ABHD3: variants seen among roughly 807,000 people sequenced by gnomAD.
The protein encoded by ABHD3 is abhydrolase domain containing 3, phospholipase.
A neutral mutation model predicts 48.8 loss-of-function variants in ABHD3; 46 were observed. The ratio of observed to expected loss-of-function variants is 0.94; its 90% confidence interval spans 0.74 to 1.20. The LOEUF is 1.20. Ranked by LOEUF, ABHD3 falls within the 50% of genes most tolerant of loss-of-function variation. The pLI is 0.00. For synonymous variants in ABHD3, 192 were observed against 183.7 expected, an observed-to-expected ratio of 1.04 and a Z score of -0.36; for missense variants, 490 against 497.8, an observed-to-expected ratio of 0.98 and a Z score of 0.15.
intron 3 of ABHD3, among the ~76,000 whole-genome samples, chr18:21,687,524 T>G (rs530935796): frequency 3.3e-5 from 5 of 152,342 alleles, no homozygotes; most frequent in African/African-American, 1.2e-4. Context: ...TCTGTTAAAC[T>G]TCTGTAACAG....
intron 4 of ABHD3, among the ~76,000 whole-genome samples, chr18:21,677,485 C>T (rs1313597781): frequency 2.0e-5 from 3 of 151,506 alleles, no homozygotes; most frequent in Non-Finnish European, 4.4e-5. Flanking sequence ...GAATTACAGG[C>T]GTGAGCCACT....
At chr18:21,657,268 A>G (rs2039378812) in intron 6 of ABHD3, 116 bp from the exon 7 acceptor site, 5 of 844,390 alleles carry the variant, frequency 5.9e-6, no homozygotes, top group Non-Finnish European at 9.0e-6. Flanking sequence ...TTGGCACTCA[A>G]TAAATATTTG....
intron 2 of ABHD3, 142 bp downstream of exon 2, chr18:21,703,442 C>T: frequency 3.0e-6 from 3 of 1,003,092 alleles, no homozygotes; most frequent in Admixed American, 2.9e-5. Flanking sequence ...GAGCCGGGGA[C>T]GTACCTTCCA....
chr18:21,653,910 C>G (rs1020356508), intron 8 of ABHD3, among the ~76,000 whole-genome samples: 6 of 147,806 alleles, frequency 4.1e-5, no homozygotes, highest in African/African-American at 1.5e-4. Flanking sequence ...GGTGTGATCT[C>G]GGCTGGCTTA....
In ABHD3 at chr18:21,664,061, G is replaced by C; in HGVS notation, c.668+57C>G. On this transcript the variant is annotated intron_variant, in intron 5 of 8. Transcript: ENST00000289119. ...AGCTAGCTTATAGTCCTCTCAAAGAGACAGCCAATAAAATAGCTTCCCTCT... is the reference window on the plus strand; with the variant it reads ...AGCTAGCTTATAGTCCTCTCAAAGACACAGCCAATAAAATAGCTTCCCTCT... 24 of 1,550,516 alleles carry C rather than the reference G, an allele frequency of 1.5e-5. 1 individual carries two copies. In the South Asian group the frequency reaches 2.6e-4, roughly 17 times the overall value.
rs2040067897 is a variant in ABHD3, at chr18:21,683,940, C to G, written c.535G>C (p.Val179Leu). 6.9e-6 allele frequency: 11 copies of G among 1,600,658 alleles called. No individual in the cohort carries two copies. Among genetic ancestry groups the G allele is most frequent in the Non-Finnish European group, 9.4e-6 (11 of 1,172,842 alleles). ...YRCVVFNNRG[V>L]AGENLLTPRT... is the part of the protein sequence containing the mutation. ...CTTACCAAGAGATTCTCCCCCGCCACTCCTCTGTTGTTAAAAACCACACAT... is the reference window on the plus strand; with the variant it reads ...CTTACCAAGAGATTCTCCCCCGCCAGTCCTCTGTTGTTAAAAACCACACAT... Residue 179 changes from valine to leucine, a missense_variant, in exon 4 of 9, where the codon GTG becomes CTG. Coordinates refer to ENST00000289119, the MANE Select transcript of ABHD3 (RefSeq NM_138340.5).
chr18:21,671,675 T>G (rs1248675191), intron 4 of ABHD3, among the ~76,000 whole-genome samples: 1 of 152,222 alleles, frequency 6.6e-6, no homozygotes, highest in Non-Finnish European at 1.5e-5. Context: ...GATATATCAC[T>G]TCCAGCAGAT....
At chr18:21,660,145 A>G (rs1236323497) in intron 5 of ABHD3, among the ~76,000 whole-genome samples, 1 of 148,656 alleles carries the variant, frequency 6.7e-6, no homozygotes, top group East Asian at 1.9e-4. Context: ...AAAAAAAAAA[A>G]AATTTTTTTT....
intron 4 of ABHD3, among the ~76,000 whole-genome samples, chr18:21,680,075 G>A (rs1018647735): frequency 6.6e-6 from 1 of 151,924 alleles, no homozygotes; most frequent in African/African-American, 2.4e-5. Context: ...GTGCAGTGAT[G>A]CCATCTTGGC....
intron 3 of ABHD3, chr18:21,702,035 G>A (rs1004686915): frequency 8.3e-6 from 2 of 240,214 alleles, no homozygotes; most frequent in African/African-American, 2.3e-5. Flanking sequence ...TGGGGATGGG[G>A]GGAAGGGCTC....
intron 4 of ABHD3, among the ~76,000 whole-genome samples, chr18:21,676,700 C>T (rs144211626): frequency 3.3e-5 from 5 of 152,334 alleles, no homozygotes; most frequent in African/African-American, 9.6e-5. Context: ...CTTAAGTTGG[C>T]TGACATTCTA....
intron 3 of ABHD3, among the ~76,000 whole-genome samples, chr18:21,685,100 T>C (rs908339093): frequency 3.3e-5 from 5 of 152,222 alleles, no homozygotes; most frequent in African/African-American, 1.2e-4. Flanking sequence ...TTTACCATCC[T>C]TAGACAAAAT....
chr18:21,671,667 T>TA (rs1568146838), intron 4 of ABHD3, among the ~76,000 whole-genome samples: 1 of 152,134 alleles, frequency 6.6e-6, no homozygotes, highest in Non-Finnish European at 1.5e-5. Context: ...ATCCAAAAGA[T>TA]ATATCACTTC....
rs1487053875 is a variant in ABHD3, at chr18:21,678,136, G to C, written c.555+5784C>G. On this transcript the variant is annotated intron_variant, in intron 4 of 8. Transcript: ENST00000289119. ...CCACACTTGGCTATTTTTTGTTTTT[G>C]TAGAGACAAGATCTTACTATGTTGC... Among the ~76,000 whole-genome samples the C allele has an allele frequency of 6.6e-5, 10 of 151,356 alleles. 1 individual carries two copies. The South Asian group carries it at 1.9e-3, about 28-fold the overall frequency.
At chr18:21,688,544 G>C (rs1043327418) in intron 3 of ABHD3, among the ~76,000 whole-genome samples, 76 of 152,128 alleles carry the variant, frequency 5.0e-4, no homozygotes, top group African/African-American at 1.8e-3. Flanking sequence ...GAGAAATAAA[G>C]TATCAACATA....
intron 6 of ABHD3, among the ~76,000 whole-genome samples, chr18:21,658,945 TCTC>T (rs2146282929): frequency 6.6e-6 from 1 of 152,072 alleles, no homozygotes; most frequent in South Asian, 2.1e-4. Context: ...TTCAAGCAAT[TCTC>T]CTGCCTCAGC....
At chr18:21,694,955 A>G (rs764653135) in intron 3 of ABHD3, among the ~76,000 whole-genome samples, 2 of 152,168 alleles carry the variant, frequency 1.3e-5, no homozygotes, top group Non-Finnish European at 2.9e-5. Context: ...GTCATCTCCC[A>G]ATATCCATCC....
At chr18:21,679,188 C>T (rs2039953365) in intron 4 of ABHD3, among the ~76,000 whole-genome samples, 1 of 152,100 alleles carries the variant, frequency 6.6e-6, no homozygotes, top group Admixed American at 6.6e-5. Flanking sequence ...ATTTCTGGAA[C>T]AAGGTGAGGT....
At position 21,664,144 on chromosome 18, in the gene ABHD3, G is replaced by A. The variant is rs377531480; in HGVS notation, c.642C>T (p.Phe214=). The A allele has an allele frequency of 4.3e-6, 7 of 1,612,656 alleles. No homozygotes were observed. The highest frequency in any genetic ancestry group is 5.9e-6 in the Non-Finnish European group (7 of 1,179,732). ...HVHSLYPSAP[F]LAAGVSMGGM... Reference sequence around the variant, plus strand: ...CTCCCATTGAAACCCCTGCTGCCAGGAAAGGAGCAGAAGGGTACAGGCTGT... The same window carrying A: ...CTCCCATTGAAACCCCTGCTGCCAGAAAAGGAGCAGAAGGGTACAGGCTGT... The change falls in exon 5 of 9, where the codon TTC becomes TTT. Residue 214 remains phenylalanine, a synonymous_variant. Coordinates refer to ENST00000289119, the MANE Select transcript of ABHD3 (RefSeq NM_138340.5).
Sources: gnomAD v4.1 joint callset for allele counts (sites outside exome capture counted in the v4.1 genomes callset) on GRCh38, gnomAD v4.1.1 for gene constraint, MANE v1.5 for transcripts, NCBI Gene and HGNC (gene_info 2026-07-23, HGNC 2026-07-21) for gene names.